The following KCNC4 variants were observed in gnomAD, a reference collection of about 807,000 sequenced individuals.
KCNC4 encodes potassium voltage-gated channel subfamily C member 4, also known as voltage-gated potassium channel KCNC4.
In KCNC4, 23 loss-of-function variants were observed where a neutral mutation model predicts 42.8. The observed-to-expected ratio is 0.54, with a 90% CI of 0.39 to 0.76. The LOEUF (loss-of-function observed/expected upper bound fraction) is 0.76. KCNC4 is among the 30% of genes least tolerant of loss of function. KCNC4 has a pLI of 0.00. For missense variants in KCNC4, 751 were observed against 898.2 expected (o/e 0.84, Z 2.10); for synonymous variants, 422 against 393.5 (o/e 1.07, Z -0.86).
intron 1 of KCNC4, among the ~76,000 whole-genome samples, chr1:110,268,586 A>G (rs1455558051): frequency 3.6e-5 from 5 of 140,614 alleles, no homozygotes; most frequent in Admixed American, 2.2e-4. Context: ...AGCCTGGGAG[A>G]CAGAGCAAGA....
At chr1:110,277,989 A>C (rs1659753529) in intron 1 of KCNC4, among the ~76,000 whole-genome samples, 1 of 152,184 alleles carries the variant, frequency 6.6e-6, no homozygotes, top group African/African-American at 2.4e-5. Context: ...CTCTACAAAA[A>C]TACAAAAAAT....
chr1:110,225,932 A>G (rs758733780), intron 2 of KCNC4, 43 bp from the exon 3 acceptor site: 80 of 1,521,624 alleles, frequency 5.3e-5, no homozygotes, highest in Non-Finnish European at 6.5e-5. Context: ...AGCAAGGCTC[A>G]GGTCGCCCCT....
intron 1 of KCNC4, among the ~76,000 whole-genome samples, chr1:110,266,063 A>G (rs1412595191): frequency 6.6e-6 from 1 of 152,166 alleles, no homozygotes; most frequent in Non-Finnish European, 1.5e-5. Context: ...AAGGCAGAAG[A>G]GGCACTGTGG....
At chr1:110,247,563 T>TTTC (rs1557869846) in exon 4 of KCNC4, 12 of 148,512 alleles carry the variant, frequency 8.1e-5, no homozygotes, top group Non-Finnish European at 1.6e-4. Context: ...TTCTTTTTTT[T>TTTC]TTTTTTTTTT....
exon 4 of KCNC4, chr1:110,239,382 G>A (rs955748139): frequency 2.6e-5 from 4 of 152,096 alleles, no homozygotes; most frequent in African/African-American, 9.7e-5. Context: ...GGCTGAGAAG[G>A]CCTGGCTGTA....
At chr1:110,266,480 G>A (rs957452026) in intron 1 of KCNC4, among the ~76,000 whole-genome samples, 11 of 152,300 alleles carry the variant, frequency 7.2e-5, no homozygotes, top group South Asian at 4.1e-4. Flanking sequence ...CCCTCACTGA[G>A]TCCTTAGGAA....
At chr1:110,218,073 C>T (rs961134968) in intron 1 of KCNC4, among the ~76,000 whole-genome samples, 4 of 152,106 alleles carry the variant, frequency 2.6e-5, no homozygotes, top group Non-Finnish European at 5.9e-5. Flanking sequence ...GCCTGAGTCT[C>T]CTTATGTTTA....
At chr1:110,213,080 G>A (rs530530795) in intron 1 of KCNC4, among the ~76,000 whole-genome samples, 2 of 144,404 alleles carry the variant, frequency 1.4e-5, no homozygotes, top group African/African-American at 2.6e-5. Context: ...AAGACCTACC[G>A]CCTCCTCCCC....
intron 1 of KCNC4, among the ~76,000 whole-genome samples, chr1:110,254,598 C>T (rs1659299870): frequency 6.6e-6 from 1 of 152,192 alleles, no homozygotes; most frequent in Non-Finnish European, 1.5e-5. Flanking sequence ...TGTACAGCTT[C>T]CTGCCCTGGG....
In KCNC4 at chr1:110,223,877, G is replaced by T. The variant is rs747154105; in HGVS notation, c.1592G>T (p.Gly531Val). Reference sequence around the variant, plus strand: ...ACCAGCCCCCCTGCCCGGGAAGAGGGTATGATCGAGAGGAAACGGGCAGGT... The same window carrying T: ...ACCAGCCCCCCTGCCCGGGAAGAGGTTATGATCGAGAGGAAACGGGCAGGT... ...SDTSPPAREE[G>V]MIERKRADSK... Residue 531 changes from glycine (G) to valine (V), a missense_variant, in exon 2 of 4, where the codon GGT becomes GTT. Physicochemically the swap from Gly to Val is moderately radical, Grantham distance 109 (BLOSUM62 -3). Transcript: ENST00000438661. The surrounding 1 kb of genome is among the most constrained non-coding windows in gnomAD (Gnocchi z 7.5). The T allele has an allele frequency of 6.3e-6, 10 of 1,599,666 alleles. No homozygotes were observed. Among genetic ancestry groups the T allele is most frequent in the Non-Finnish European group, 8.5e-6 (10 of 1,171,192 alleles).
intron 1 of KCNC4, 159 bp from the exon 2 acceptor site, chr1:110,222,805 C>T (rs1658170578): frequency 3.3e-6 from 2 of 603,564 alleles, no homozygotes; most frequent in South Asian, 4.0e-5. Context: ...GGATAAAGAC[C>T]CTCTGAGGAG....
At chr1:110,270,613 G>A (rs1220301889) in intron 1 of KCNC4, among the ~76,000 whole-genome samples, 2 of 152,152 alleles carry the variant, frequency 1.3e-5, no homozygotes, top group African/African-American at 2.4e-5. Context: ...GAGGCTGAGC[G>A]AATGACCTTC....
intron 1 of KCNC4, among the ~76,000 whole-genome samples, chr1:110,269,110 T>C (rs543475824): frequency 6.6e-6 from 1 of 152,186 alleles, no homozygotes; most frequent in African/African-American, 2.4e-5. Context: ...CATCAGTCTG[T>C]GACAGGGCCA....
At chr1:110,222,933 G>A (rs758841467) in intron 1 of KCNC4, 31 bp from the exon 2 acceptor site, 1 of 1,554,708 alleles carries the variant, frequency 6.4e-7, no homozygotes, top group South Asian at 1.1e-5. Flanking sequence ...CTGTCTGACA[G>A]CTGCCCCCTG....
At chr1:110,227,029 C>G (rs944125995) in intron 3 of KCNC4, among the ~76,000 whole-genome samples, 2 of 152,176 alleles carry the variant, frequency 1.3e-5, no homozygotes, top group Non-Finnish European at 2.9e-5. Flanking sequence ...ATCACTTATT[C>G]GTCTCTCTTG....
intron 3 of KCNC4, chr1:110,232,476 T>G (rs1658744876): frequency 6.9e-7 from 1 of 1,443,572 alleles, no homozygotes; most frequent in Non-Finnish European, 9.1e-7. Context: ...ACAGGCCACA[T>G]CAGGAACTTT....
At chr1:110,238,063 G>C (rs1428756785), downstream of KCNC4, 2 of 152,276 alleles carry the variant, frequency 1.3e-5, no homozygotes, top group African/African-American at 2.4e-5. Context: ...GGACAAGGCT[G>C]TCTCCGACCC....
rs752419978 is a variant in KCNC4 at position 110,226,124 on chromosome 1, T to G, written c.1765T>G (p.Cys589Gly). ...TRDRNKKAAA[C>G]FLLSTGDYAC... ...AGACAGAAACAAGAAGGCAGCTGCC[T>G]GCTTCCTGCTCAGCACTGGGGACTA... is the stretch of plus-strand genomic sequence containing the variant. Residue 589 changes from cysteine (C) to glycine (G), a missense_variant, in exon 3 of 4, where the codon TGC becomes GGC. Around this residue, in one of 4 missense-constraint regions of KCNC4, gnomAD observed 202 missense variants for 181.5 expected, o/e 1.11. Transcript: ENST00000438661. 17 of 1,614,062 alleles carry G rather than the reference T, an allele frequency of 1.1e-5. No homozygotes were observed. The highest frequency in any genetic ancestry group is 1.4e-5 in the Non-Finnish European group (16 of 1,180,004).
downstream of KCNC4, among the ~76,000 whole-genome samples, chr1:110,252,830 A>G (rs1234288669): frequency 2.0e-5 from 3 of 152,170 alleles, no homozygotes; most frequent in Non-Finnish European, 2.9e-5. Flanking sequence ...GCTTGGATCT[A>G]TTGTAATCTC....
Sources: allele counts gnomAD v4.1 joint callset (sites outside exome capture counted in the v4.1 genomes callset), GRCh38; gene constraint gnomAD v4.1.1; regional missense constraint gnomAD v4.1.1; non-coding constraint Gnocchi (gnomAD v3.1); transcripts MANE v1.5; gene names NCBI Gene and HGNC (gene_info 2026-07-23, HGNC 2026-07-21).